Variants in DNM2 observed in about 807,000 individuals in gnomAD.
DNM2 encodes the protein dynamin 2, also known as dynamin-2.
In DNM2, 15 loss-of-function variants were observed where a neutral mutation model predicts 99.0. The ratio of observed to expected loss-of-function variants is 0.15; its 90% CI spans 0.10 to 0.23. The LOEUF is 0.23. Ranked by LOEUF, DNM2 falls within the 10% of genes least tolerant of loss-of-function variation. The pLI is 1.00. For missense variants in DNM2, 742 were observed against 1,189.4 expected (o/e 0.62, Z 5.53); for synonymous variants, 525 against 481.2 (o/e 1.09, Z -1.19).
intron 13 of DNM2, among the ~76,000 whole-genome samples, chr19:10,806,353 C>A (rs1267618197): frequency 6.6e-6 from 1 of 151,606 alleles, no homozygotes; most frequent in South Asian, 2.1e-4. Context: ...GACTCTGTCT[C>A]TACAAATAAT....
At position 10,811,630 on chromosome 19, in the gene DNM2, G is replaced by A. The variant is rs2072547353; in HGVS notation, c.1558-634G>A. 1.1e-5 allele frequency: 5 copies of A among 476,136 alleles called. No individual in the cohort carries two copies. The highest frequency in any genetic ancestry group is 7.5e-5 in the South Asian group (5 of 66,492). 29.5% of individuals were successfully genotyped at this position (476,136 alleles called of 1,614,324 possible). A position where few individuals can be genotyped will look rare whatever the true frequency, so the allele number is the denominator to read the frequency against. On this transcript the variant is annotated intron_variant, in intron 14 of 20. Coordinates refer to ENST00000389253, the MANE Select transcript of DNM2 (RefSeq NM_001005361.3). The surrounding 1 kb of genome is among the most constrained non-coding windows in gnomAD (Gnocchi z 5.4). ...CATGCCTCCAGCGGCCAGGGAGCAT[G>A]GGAGCACAGCCCCCAGGCTGCCTGC...
chr19:10,811,314 C>T lies in DNM2; in HGVS notation c.1558-950C>T. ...AGGCCCGGGGTGGGTCGGGGTAGTC[C>T]GGATGAAGCCCCTCCAGAGGACCGC... On this transcript the variant is annotated intron_variant, in intron 14 of 20. Transcript: ENST00000389253. The surrounding 1 kb of genome is among the most constrained non-coding windows in gnomAD (Gnocchi z 5.4). The T allele has an allele frequency of 9.7e-6, 2 of 205,548 alleles. No homozygotes were observed. Among genetic ancestry groups the T allele is most frequent in the Non-Finnish European group, 2.0e-5 (2 of 98,450 alleles). 12.7% of individuals were successfully genotyped at this position (205,548 alleles called of 1,614,324 possible).
At chr19:10,801,371 G>A (rs1391582585) in intron 11 of DNM2, among the ~76,000 whole-genome samples, 1 of 152,092 alleles carries the variant, frequency 6.6e-6, no homozygotes, top group African/African-American at 2.4e-5. Flanking sequence ...TGTAATCCCA[G>A]CACTTTGGGA....
At chr19:10,825,935 TG>T (rs2073129880) in intron 18 of DNM2, among the ~76,000 whole-genome samples, 1 of 150,984 alleles carries the variant, frequency 6.6e-6, no homozygotes, top group African/African-American at 2.4e-5. Flanking sequence ...TTTGGGAGGC[TG>T]AGGCAGGAGG....
At chr19:10,758,692 G>A (rs970023648) in intron 1 of DNM2, among the ~76,000 whole-genome samples, 15 of 151,130 alleles carry the variant, frequency 9.9e-5, no homozygotes, top group African/African-American at 9.7e-5. Flanking sequence ...GATTACAGGC[G>A]TGTGCCACCA....
At chr19:10,746,719 T>A (rs2069988597) in intron 1 of DNM2, among the ~76,000 whole-genome samples, 1 of 85,414 alleles carries the variant, frequency 1.2e-5, no homozygotes, top group African/African-American at 6.3e-5. Flanking sequence ...CGTGCCGGCT[T>A]TTTTTTTGTT....
At chr19:10,821,933 G>C (rs1461937040) in intron 16 of DNM2, among the ~76,000 whole-genome samples, 2 of 152,130 alleles carry the variant, frequency 1.3e-5, no homozygotes, top group African/African-American at 4.8e-5. Flanking sequence ...GAGCTACAAG[G>C]GCATGCCTCT....
chr19:10,822,476 C>T (rs1016815402), intron 16 of DNM2, among the ~76,000 whole-genome samples: 1 of 151,976 alleles, frequency 6.6e-6, no homozygotes, highest in African/African-American at 2.4e-5. Context: ...CAGGTATGAG[C>T]CACCATGCCT....
At chr19:10,732,702 ATT>A (rs891008401) in intron 1 of DNM2, among the ~76,000 whole-genome samples, 3 of 150,916 alleles carry the variant, frequency 2.0e-5, no homozygotes, top group African/African-American at 7.3e-5. Context: ...CTCTTGCCAG[ATT>A]TTTTATATAT....
At chr19:10,823,641 G>GT in intron 16 of DNM2, 147 bp from the exon 17 acceptor site, 1 of 714,516 alleles carries the variant, frequency 1.4e-6, no homozygotes, top group Non-Finnish European at 2.5e-6. Context: ...GTCACTCACG[G>GT]TGACCCCTCA....
intron 11 of DNM2, among the ~76,000 whole-genome samples, chr19:10,801,804 C>T (rs2146057778): frequency 6.7e-6 from 1 of 149,708 alleles, no homozygotes; most frequent in East Asian, 2.0e-4. Flanking sequence ...ATTTGGGAGG[C>T]TGAGGCAGGA....
rs1458391632 is a variant in DNM2 at position 10,808,571 on chromosome 19, G to A, written c.1548G>A (p.Gly516=). ...ACCCTAACTTTGCATATTCAAAGGG[G>A]GAGATCCTGGTAAGTACATGCTTAG... is the stretch of plus-strand genomic sequence containing the variant. ...LNKKRAIPNQ[G]EILVIRRGWL... is the part of the protein sequence containing the mutation. Residue 516 remains glycine (G), a splice_region_variant and synonymous_variant, in exon 14 of 21, where the codon GGG becomes GGA. Coordinates refer to ENST00000389253, the MANE Select transcript of DNM2 (RefSeq NM_001005361.3). The A allele has an allele frequency of 9.3e-6, 15 of 1,612,194 alleles. No individual in the cohort carries two copies. In the South Asian group the frequency reaches 1.2e-4, roughly 13 times the overall value.
Position 10,826,827 on chromosome 19 carries a change from C to CA in DNM2, c.2058+1607dup, listed in dbSNP as rs531780430. Among the ~76,000 whole-genome samples the CA allele has an allele frequency of 4.6e-5, 7 of 152,264 alleles. No homozygotes were observed. In the South Asian group the frequency reaches 1.4e-3, roughly 32 times the overall value. ...ACTTGAGCCCAGGAGGTTGAGGCTG[C>CA]AGTGAGCCATGATTACGCCACTGCT... is the stretch of plus-strand genomic sequence containing the variant. On this transcript the variant is annotated intron_variant, in intron 18 of 20. Transcript: ENST00000389253.
chr19:10,754,280 G>T (rs28600132), intron 1 of DNM2, among the ~76,000 whole-genome samples: 91,684 of 149,102 alleles, frequency 0.61, 28,342 homozygotes, highest in African/African-American at 0.67. Flanking sequence ...TTTTTGAGAC[G>T]GAGTCTCACT....
intron 12 of DNM2, among the ~76,000 whole-genome samples, chr19:10,805,016 T>C (rs2072284244): frequency 6.6e-6 from 1 of 152,230 alleles, no homozygotes; most frequent in Admixed American, 6.5e-5. Flanking sequence ...GTGATATGAT[T>C]GTCAGAGTAG....
At chr19:10,782,489 C>G (rs1370028277) in intron 5 of DNM2, among the ~76,000 whole-genome samples, 1 of 151,892 alleles carries the variant, frequency 6.6e-6, no homozygotes, top group Non-Finnish European at 1.5e-5. Flanking sequence ...CTCCCGAGTA[C>G]CTGGGACTAT....
chr19:10,754,964 C>T (rs951414981), intron 1 of DNM2, among the ~76,000 whole-genome samples: 2 of 152,188 alleles, frequency 1.3e-5, no homozygotes, highest in African/African-American at 4.8e-5. Flanking sequence ...TTCATGGTCT[C>T]AGAAAGTCCC....
intron 12 of DNM2, among the ~76,000 whole-genome samples, chr19:10,803,456 G>A (rs946406332): frequency 6.6e-6 from 1 of 152,188 alleles, no homozygotes; most frequent in Non-Finnish European, 1.5e-5. Context: ...CCGGCCCTGT[G>A]CTCCCGGCCG....
intron 1 of DNM2, among the ~76,000 whole-genome samples, chr19:10,759,068 A>G (rs1229516900): frequency 3.9e-5 from 6 of 152,036 alleles, no homozygotes; most frequent in African/African-American, 9.7e-5. Flanking sequence ...CAGCCTCTCT[A>G]GTAGCTGGGA....
Sources: allele counts gnomAD v4.1 joint callset (sites outside exome capture counted in the v4.1 genomes callset), GRCh38; gene constraint gnomAD v4.1.1; non-coding constraint Gnocchi (gnomAD v3.1); transcripts MANE v1.5; gene names NCBI Gene and HGNC (gene_info 2026-07-23, HGNC 2026-07-21).